Variants in GOLGA1 observed in about 807,000 individuals in gnomAD.
GOLGA1 encodes golgin subfamily A member 1.
A neutral mutation model predicts 119.7 loss-of-function variants in GOLGA1; 63 were observed. That is an observed-to-expected ratio of 0.53 (90% confidence interval 0.43 to 0.65). The LOEUF (loss-of-function observed/expected upper bound fraction) is 0.65. GOLGA1 is among the 30% of genes least tolerant of loss of function. GOLGA1 has a pLI of 0.00. For synonymous variants in GOLGA1, 318 were observed against 333.4 expected, an observed-to-expected ratio of 0.95 and a Z score of 0.50; for missense variants, 798 against 912.8, an observed-to-expected ratio of 0.87 and a Z score of 1.62.
rs1423073216 is a variant in GOLGA1, at chr9:124,881,610, C to T, written c.2136+174G>A. On this transcript the variant is annotated intron_variant, in intron 21 of 22. Transcript: ENST00000373555. This position sits in a 1 kb window ranked among gnomAD's most constrained non-coding sequence, Gnocchi z 4.9. The stretch of plus-strand genomic sequence containing the variant: ...GAGCCAGTTCCTGCACGGCCTCTCC[C>T]GCCAGCCGCTCACTCCGCAGGCCAA... Among the ~76,000 whole-genome samples the T allele has an allele frequency of 1.3e-5, 2 of 152,180 alleles. No individual in the cohort carries two copies. The highest frequency in any genetic ancestry group is 4.8e-5 in the African/African-American group (2 of 41,440).
intron 11 of GOLGA1, among the ~76,000 whole-genome samples, chr9:124,910,889 C>A (rs995262161): frequency 6.6e-6 from 1 of 152,148 alleles, no homozygotes; most frequent in Non-Finnish European, 1.5e-5. Flanking sequence ...CCCCCTCACC[C>A]GACCCAACCT....
At chr9:124,920,793 G>A (rs376178589) in intron 10 of GOLGA1, among the ~76,000 whole-genome samples, 1 of 150,740 alleles carries the variant, frequency 6.6e-6, no homozygotes, top group Non-Finnish European at 1.5e-5. Context: ...AATTAGCCGG[G>A]TGTGGTGGCG....
intron 12 of GOLGA1, 138 bp from the exon 13 acceptor site, chr9:124,900,685 A>C: frequency 3.9e-6 from 2 of 519,004 alleles, no homozygotes; most frequent in East Asian, 6.4e-5. Flanking sequence ...ATACTGCATA[A>C]GTCTACCATT....
At chr9:124,901,657 G>C (rs186451355) in intron 12 of GOLGA1, among the ~76,000 whole-genome samples, 1 of 152,004 alleles carries the variant, frequency 6.6e-6, no homozygotes, top group South Asian at 2.1e-4. Flanking sequence ...GGATGGTCTC[G>C]ATCTGCTGAC....
In GOLGA1 at chr9:124,900,555, G is replaced by A; in HGVS notation, c.1066-8C>T. The A allele has an allele frequency of 1.5e-6, 2 of 1,375,606 alleles. No homozygotes were observed. The highest frequency in any genetic ancestry group is 2.1e-6 in the Non-Finnish European group (2 of 967,960). The allele number at this position is 1,375,606 out of a possible 1,614,324, so 85.2% of individuals were successfully genotyped here. Reference sequence around the variant, plus strand: ...CTGCTCCAGTTCTCTCACCTGAGAGGGAAGCAGAAGCATTCTTTCTGTTCA... The same window carrying A: ...CTGCTCCAGTTCTCTCACCTGAGAGAGAAGCAGAAGCATTCTTTCTGTTCA... On this transcript the variant is annotated splice_polypyrimidine_tract_variant and splice_region_variant and intron_variant, in intron 12 of 22. Transcript: ENST00000373555.
chr9:124,890,531 T>C, intron 15 of GOLGA1, 53 bp from the exon 16 acceptor site: 3 of 1,335,240 alleles, frequency 2.2e-6, no homozygotes, highest in Admixed American at 3.4e-5. Context: ...GTTTTTTAGC[T>C]GTATGCCACG....
intron 4 of GOLGA1, 57 bp downstream of exon 4, chr9:124,931,259 G>A: frequency 1.2e-6 from 1 of 813,154 alleles, no homozygotes; most frequent in East Asian, 2.4e-5. Flanking sequence ...TTTATAGGAA[G>A]AGAGTCAAGC....
chr9:124,928,511 T>C (rs150300847), intron 5 of GOLGA1, among the ~76,000 whole-genome samples: 2 of 152,294 alleles, frequency 1.3e-5, no homozygotes, highest in African/African-American at 4.8e-5. Flanking sequence ...TTTTTTGTAA[T>C]AGACAAGTAT....
intron 7 of GOLGA1, among the ~76,000 whole-genome samples, chr9:124,926,421 C>T (rs1266253052): frequency 1.3e-5 from 2 of 152,124 alleles, no homozygotes; most frequent in Non-Finnish European, 2.9e-5. Flanking sequence ...AACCGGATGC[C>T]AGAGGGCATT....
At chr9:124,894,305 T>C (rs1485861756) in intron 15 of GOLGA1, among the ~76,000 whole-genome samples, 1 of 152,226 alleles carries the variant, frequency 6.6e-6, no homozygotes, top group East Asian at 1.9e-4. Context: ...CTTTTCTATC[T>C]GCACTCATTG....
chr9:124,925,546 T>A (rs768130719), intron 7 of GOLGA1, among the ~76,000 whole-genome samples: 1 of 151,976 alleles, frequency 6.6e-6, no homozygotes, highest in Non-Finnish European at 1.5e-5. Context: ...TGAGACCTCA[T>A]CTCTATTAAA....
intron 3 of GOLGA1, among the ~76,000 whole-genome samples, chr9:124,932,067 AG>A (rs908981214): frequency 2.3e-4 from 35 of 152,376 alleles, no homozygotes; most frequent in African/African-American, 8.2e-4. Flanking sequence ...TTCAAAATAT[AG>A]AAAGGGAGAG....
intron 8 of GOLGA1, 47 bp from the exon 9 acceptor site, chr9:124,921,939 C>G: frequency 1.3e-6 from 2 of 1,501,516 alleles, no homozygotes; most frequent in Non-Finnish European, 1.8e-6. Context: ...AAGAAAAATA[C>G]ACTTAAGATC....
Position 124,938,687 on chromosome 9 carries a change from T to C in GOLGA1, c.25A>G (p.Ile9Val), listed in dbSNP as rs779443829. The C allele has an allele frequency of 6.2e-7, 1 of 1,613,542 alleles. No individual in the cohort carries two copies. The highest frequency in any genetic ancestry group is 1.1e-5 in the South Asian group (1 of 91,036). Residue 9 changes from isoleucine to valine, a missense_variant, in exon 3 of 23, where the codon ATT becomes GTT. Physicochemically the swap from Ile to Val is conservative, Grantham distance 29 (BLOSUM62 3). Coordinates refer to ENST00000373555, the MANE Select transcript of GOLGA1 (RefSeq NM_002077.4). ...TGAGCAACAGCAGTCTCTTCTGCAA[T>C]TTTCTTCTTCAGTTTTGCAAACATG... is the stretch of plus-strand genomic sequence containing the variant. MFAKLKKK[I>V]AEETAVAQRP...
intron 15 of GOLGA1, among the ~76,000 whole-genome samples, chr9:124,895,327 CAG>C (rs1179026828): frequency 2.8e-5 from 4 of 143,288 alleles, no homozygotes; most frequent in Admixed American, 1.5e-4. Flanking sequence ...CCATCCACAA[CAG>C]AGACTCTCCA....
At position 124,881,678 on chromosome 9, in the gene GOLGA1, C is replaced by G; in HGVS notation, c.2136+106G>C. ...ACTGGGTGACCACAAGGGCGTCAAA[C>G]CAGGATGTACGAGGAAAAGAGAGAA... On this transcript the variant is annotated intron_variant, in intron 21 of 22. Coordinates refer to ENST00000373555, the MANE Select transcript of GOLGA1 (RefSeq NM_002077.4). The surrounding 1 kb of genome is among the most constrained non-coding windows in gnomAD (Gnocchi z 4.9). The G allele has an allele frequency of 1.2e-6, 1 of 806,852 alleles. No individual in the cohort carries two copies. Among genetic ancestry groups the G allele is most frequent in the Non-Finnish European group, 2.0e-6 (1 of 494,790 alleles). 50.0% of individuals were successfully genotyped at this position (806,852 alleles called of 1,614,324 possible). A position where few individuals can be genotyped will look rare whatever the true frequency, so the allele number is the denominator to read the frequency against.
chr9:124,908,741 G>A (rs1830279190), intron 11 of GOLGA1, among the ~76,000 whole-genome samples: 1 of 152,244 alleles, frequency 6.6e-6, no homozygotes, highest in Admixed American at 6.5e-5. Context: ...AAGAAGCACA[G>A]GGTGGGAGAT....
At chr9:124,918,127 C>A (rs534350477) in intron 10 of GOLGA1, among the ~76,000 whole-genome samples, 12 of 152,330 alleles carry the variant, frequency 7.9e-5, no homozygotes, top group African/African-American at 2.4e-4. Context: ...GCTGGGACTG[C>A]AGGCGTAAGC....
At chr9:124,889,620 G>C in intron 16 of GOLGA1, 84 bp from the exon 17 acceptor site, 2 of 915,544 alleles carry the variant, frequency 2.2e-6, no homozygotes, top group East Asian at 4.8e-5. Flanking sequence ...CCGCTCTCCA[G>C]GGTACACCAC....
Sources: allele counts gnomAD v4.1 joint callset (sites outside exome capture counted in the v4.1 genomes callset), GRCh38; gene constraint gnomAD v4.1.1; non-coding constraint Gnocchi (gnomAD v3.1); transcripts MANE v1.5; gene names NCBI Gene and HGNC (gene_info 2026-07-23, HGNC 2026-07-21).